MAML2: variants seen among roughly 807,000 people sequenced by gnomAD.
MAML2 encodes the protein mastermind like transcriptional coactivator 2.
A neutral mutation model predicts 96.1 loss-of-function variants in MAML2; 22 were observed. The observed-to-expected ratio is 0.23, with a 90% CI of 0.16 to 0.33. MAML2 has a LOEUF of 0.33. Ranked by LOEUF, MAML2 falls within the 10% of genes least tolerant of loss-of-function variation. MAML2 has a pLI of 1.00. For missense variants in MAML2, 1,367 were observed against 1,392.4 expected, an observed-to-expected ratio of 0.98 and a Z score of 0.29; for synonymous variants, 561 against 521.3, an observed-to-expected ratio of 1.08 and a Z score of -1.04.
At chr11:96,228,472 C>T (rs541510195) in intron 1 of MAML2, among the ~76,000 whole-genome samples, 39 of 152,320 alleles carry the variant, frequency 2.6e-4, no homozygotes, top group Non-Finnish European at 5.0e-4. Context: ...TTCCCCAAGT[C>T]AACCATGTAC....
intron 1 of MAML2, among the ~76,000 whole-genome samples, chr11:96,166,169 T>TCA (rs768957526): frequency 4.3e-5 from 5 of 116,776 alleles, no homozygotes; most frequent in Admixed American, 1.7e-4. Context: ...TCTCTCTCTC[T>TCA]CTCTCTCTCA....
At chr11:96,267,599 A>G (rs1862847455) in intron 1 of MAML2, among the ~76,000 whole-genome samples, 1 of 152,206 alleles carries the variant, frequency 6.6e-6, no homozygotes, top group African/African-American at 2.4e-5. Flanking sequence ...TTCATTATTA[A>G]CGGGCTGGTG....
chr11:96,265,223 A>C (rs965004239), intron 1 of MAML2, among the ~76,000 whole-genome samples: 1 of 152,192 alleles, frequency 6.6e-6, no homozygotes, highest in African/African-American at 2.4e-5. Context: ...ATGGACAGAA[A>C]AGTGGCTGGC....
intron 1 of MAML2, among the ~76,000 whole-genome samples, chr11:96,249,850 T>C (rs113850338): frequency 6.6e-5 from 10 of 152,290 alleles, no homozygotes; most frequent in African/African-American, 2.4e-4. Context: ...TAGATCTTCT[T>C]ATACTTCTGC....
chr11:96,321,963 G>A (rs1442029131), intron 1 of MAML2, among the ~76,000 whole-genome samples: 1 of 152,060 alleles, frequency 6.6e-6, no homozygotes, highest in Non-Finnish European at 1.5e-5. Flanking sequence ...TGTTGTTGTT[G>A]TTGTTGTTTT....
intron 1 of MAML2, among the ~76,000 whole-genome samples, chr11:96,300,405 G>A (rs890248463): frequency 6.6e-6 from 1 of 152,098 alleles, no homozygotes; most frequent in South Asian, 2.1e-4. Context: ...AAAACTGATC[G>A]GTGCCCATTG....
chr11:96,034,266 A>G (rs1858663996), intron 2 of MAML2, among the ~76,000 whole-genome samples: 1 of 152,230 alleles, frequency 6.6e-6, no homozygotes. Flanking sequence ...GATCACTCAT[A>G]AAGTCTGGGT....
intron 1 of MAML2, among the ~76,000 whole-genome samples, chr11:96,226,796 TACCTAAACTGCATGCCA>T (rs1862217232): frequency 6.6e-6 from 1 of 152,190 alleles, no homozygotes; most frequent in African/African-American, 2.4e-5. Context: ...TGCACTTAAG[TACCTAAACTGCATGCCA>T]TCTTAGAAAC....
chr11:96,168,263 G>T (rs568992772), intron 1 of MAML2, among the ~76,000 whole-genome samples: 1 of 152,262 alleles, frequency 6.6e-6, no homozygotes, highest in South Asian at 2.1e-4. Context: ...GAATATGGTA[G>T]GTGTTCTACC....
intron 1 of MAML2, among the ~76,000 whole-genome samples, chr11:96,166,590 A>G (rs961950632): frequency 5.3e-5 from 8 of 152,230 alleles, no homozygotes; most frequent in African/African-American, 1.9e-4. Context: ...TCGAATGTCA[A>G]TAGCTAAAGC....
At chr11:96,159,519 G>A (rs1014643628) in intron 1 of MAML2, among the ~76,000 whole-genome samples, 11 of 147,190 alleles carry the variant, frequency 7.5e-5, no homozygotes, top group Middle Eastern at 3.6e-3. Flanking sequence ...CCGGCCTCCC[G>A]GGTTCACGCC....
intron 1 of MAML2, among the ~76,000 whole-genome samples, chr11:96,310,330 T>A (rs1863521232): frequency 6.6e-6 from 1 of 152,222 alleles, no homozygotes; most frequent in Non-Finnish European, 1.5e-5. Context: ...TAGATTCATT[T>A]TGCTTAAGAA....
At chr11:96,041,877 C>T (rs67064078) in intron 2 of MAML2, among the ~76,000 whole-genome samples, 29,044 of 151,194 alleles carry the variant, frequency 0.19, 3,121 homozygotes, top group East Asian at 0.32. Flanking sequence ...TGGCGCATCT[C>T]GGCTCATAGC....
intron 1 of MAML2, among the ~76,000 whole-genome samples, chr11:96,175,306 C>A (rs1041325619): frequency 6.6e-6 from 1 of 152,134 alleles, no homozygotes; most frequent in African/African-American, 2.4e-5. Flanking sequence ...CTTTGTTCTG[C>A]AATTTTAAAA....
At chr11:96,082,338 T>C (rs1242030721) in intron 2 of MAML2, among the ~76,000 whole-genome samples, 2 of 152,172 alleles carry the variant, frequency 1.3e-5, no homozygotes, top group Admixed American at 6.5e-5. Flanking sequence ...GTAAGAACTA[T>C]ACTGAAAGGT....
intron 1 of MAML2, among the ~76,000 whole-genome samples, chr11:96,268,554 C>G (rs371798051): frequency 6.6e-6 from 1 of 152,262 alleles, no homozygotes; most frequent in East Asian, 1.9e-4. Flanking sequence ...AAATCAAAAA[C>G]CCTACTTACA....
chr11:96,077,752 A>G (rs1057504069), intron 2 of MAML2, among the ~76,000 whole-genome samples: 1 of 151,854 alleles, frequency 6.6e-6, no homozygotes, highest in Non-Finnish European at 1.5e-5. Context: ...GATGGGGAAG[A>G]CTCTGGGTGT....
At chr11:96,159,885 T>A (rs1317746801) in intron 1 of MAML2, among the ~76,000 whole-genome samples, 1 of 152,230 alleles carries the variant, frequency 6.6e-6, no homozygotes, top group Non-Finnish European at 1.5e-5. Flanking sequence ...GGGAAAAAAC[T>A]ACAATTTAAA....
chr11:96,009,855 C>T (rs1485890838), intron 2 of MAML2, among the ~76,000 whole-genome samples: 3 of 152,172 alleles, frequency 2.0e-5, no homozygotes, highest in Non-Finnish European at 4.4e-5. Context: ...TGCCCAAGGA[C>T]ATCTGTTCAA....
Sources: allele counts gnomAD v4.1 joint callset (sites outside exome capture counted in the v4.1 genomes callset), GRCh38; gene constraint gnomAD v4.1.1; transcripts MANE v1.5; gene names NCBI Gene and HGNC (gene_info 2026-07-23, HGNC 2026-07-21).